The following PDE4D variants were observed in gnomAD, a reference collection of about 807,000 sequenced individuals.
PDE4D encodes the protein 3',5'-cyclic-AMP phosphodiesterase 4D.
In PDE4D, 24 loss-of-function variants were observed where a neutral mutation model predicts 87.4. That is an observed-to-expected ratio of 0.27 (90% CI 0.20 to 0.39). The LOEUF (loss-of-function observed/expected upper bound fraction) is 0.39, where lower values mean the gene tolerates loss of function less well. Among genes scored for constraint, PDE4D ranks in the 10% least tolerant of loss-of-function variants. PDE4D has a pLI of 1.00. For synonymous variants in PDE4D, 384 were observed against 383.2 expected (o/e 1.00, Z -0.02); for missense variants, 714 against 1,041.0 (o/e 0.69, Z 4.32).
chr5:59,192,800 C>A (rs1195543547), intron 3 of PDE4D, among the ~76,000 whole-genome samples: 3 of 152,306 alleles, frequency 2.0e-5, no homozygotes, highest in African/African-American at 7.2e-5. Context: ...AGGCCTTTAA[C>A]AAATACAGAT....
chr5:59,965,184 C>A (rs757476028), intron 3 of PDE4D, among the ~76,000 whole-genome samples: 10 of 152,250 alleles, frequency 6.6e-5, no homozygotes, highest in Middle Eastern at 3.4e-3. Flanking sequence ...ATTATCCCAG[C>A]AATTTCCTGC....
At chr5:59,362,731 G>T (rs1038772890) in intron 1 of PDE4D, among the ~76,000 whole-genome samples, 2 of 152,080 alleles carry the variant, frequency 1.3e-5, no homozygotes, top group African/African-American at 4.8e-5. Flanking sequence ...GGACAGAAAT[G>T]GCTTCTTACA....
chr5:59,854,339 TC>T (rs896559807), intron 1 of PDE4D, among the ~76,000 whole-genome samples: 35 of 152,092 alleles, frequency 2.3e-4, no homozygotes, highest in African/African-American at 7.5e-4. Context: ...ATTACATTTA[TC>T]CTTTTATTGT....
In PDE4D at chr5:59,734,473, A is replaced by G. The variant is rs1580756934; in HGVS notation, c.455+158695T>C. Among the ~76,000 whole-genome samples the G allele has an allele frequency of 1.3e-5, 2 of 152,294 alleles. 1 individual carries two copies. Among genetic ancestry groups the G allele is most frequent in the South Asian group, 4.1e-4 (2 of 4,826 alleles). ...TGCTGCATTGCTGAGACAAGCCTAT[A>G]AAGAAAAGGAAGACGGTTTGATTTT... On this transcript the variant is annotated intron_variant, in intron 1 of 14. Transcript: ENST00000340635.
chr5:59,545,137 G>T (rs702542), intron 1 of PDE4D, among the ~76,000 whole-genome samples: 69,224 of 151,980 alleles, frequency 0.46, 19,032 homozygotes, highest in East Asian at 0.63. Context: ...TTATTTTGTG[G>T]GGTAACTTTT....
chr5:59,145,934 C>T (rs1778576360), intron 5 of PDE4D, among the ~76,000 whole-genome samples: 1 of 152,138 alleles, frequency 6.6e-6, no homozygotes, highest in Non-Finnish European at 1.5e-5. Flanking sequence ...TGAAACCAGC[C>T]TGGCCAACAT....
rs114593014 is a variant in PDE4D, at chr5:60,090,586, A to G, written c.42+94971T>C. Among the ~76,000 whole-genome samples, 1,075 of 152,310 alleles carry G rather than the reference A, an allele frequency of 7.1e-3. 21 individuals are homozygous for G. The highest frequency in any genetic ancestry group is 0.045 in the East Asian group (235 of 5,188). Reference sequence around the variant, plus strand: ...CAGCTAGCATCATTCTGAATGGGGAAAAATGGAAATTCTTTCTTCCAAGAT... The same window carrying G: ...CAGCTAGCATCATTCTGAATGGGGAGAAATGGAAATTCTTTCTTCCAAGAT... On this transcript the variant is annotated intron_variant, in intron 2 of 16. Transcript: ENST00000502484.
chr5:59,202,033 A>AATT (rs747290118), intron 2 of PDE4D, among the ~76,000 whole-genome samples: 1 of 95,258 alleles, frequency 1.0e-5, no homozygotes, highest in Non-Finnish European at 1.9e-5. Flanking sequence ...TGTTTTGATC[A>AATT]TTTTTTTTTT....
At chr5:60,105,515 C>G (rs1776789967) in intron 2 of PDE4D, among the ~76,000 whole-genome samples, 1 of 152,026 alleles carries the variant, frequency 6.6e-6, no homozygotes, top group South Asian at 2.1e-4. Flanking sequence ...CAGAGAACGC[C>G]ACAAAGATAC....
intron 1 of PDE4D, among the ~76,000 whole-genome samples, chr5:60,282,198 G>A (rs1405792997): frequency 9.1e-6 from 1 of 109,832 alleles, no homozygotes; most frequent in Non-Finnish European, 1.8e-5. Flanking sequence ...AAGAACAAGA[G>A]AGAAATAAAC....
At chr5:60,203,207 G>A (rs1041380697) in intron 1 of PDE4D, among the ~76,000 whole-genome samples, 2 of 152,136 alleles carry the variant, frequency 1.3e-5, no homozygotes, top group Non-Finnish European at 2.9e-5. Flanking sequence ...CTGATCTCAG[G>A]TGATCTACCC....
intron 10 of PDE4D, 122 bp downstream of exon 10, chr5:58,989,623 CCCCCATAAGT>C: frequency 1.8e-6 from 1 of 570,066 alleles, no homozygotes; most frequent in South Asian, 2.7e-5. Context: ...ATAGCATTTT[CCCCCATAAGT>C]CAATAAGTTA....
chr5:60,230,700 G>A (rs541710539), intron 1 of PDE4D, among the ~76,000 whole-genome samples: 1 of 152,210 alleles, frequency 6.6e-6, no homozygotes, highest in East Asian at 1.9e-4. Context: ...GTCAATGATA[G>A]AGGAAAAGTG....
intron 1 of PDE4D, among the ~76,000 whole-genome samples, chr5:60,430,535 G>GT (rs367558098): frequency 0.12 from 15,812 of 127,968 alleles, 1,788 homozygotes; most frequent in African/African-American, 0.31. Flanking sequence ...TTTGTGTTTT[G>GT]TTTTTTTTTG....
intron 1 of PDE4D, among the ~76,000 whole-genome samples, chr5:60,280,738 A>G (rs939161179): frequency 6.6e-6 from 1 of 152,218 alleles, no homozygotes; most frequent in Non-Finnish European, 1.5e-5. Flanking sequence ...AGTAAATAGC[A>G]TCATTGTGAG....
chr5:59,762,309 C>T (rs1053881895), intron 1 of PDE4D, among the ~76,000 whole-genome samples: 7 of 142,372 alleles, frequency 4.9e-5, no homozygotes, highest in African/African-American at 1.6e-4. Context: ...TACACATATG[C>T]GTATATGGGT....
upstream of PDE4D, among the ~76,000 whole-genome samples, chr5:60,492,480 GT>G (rs1561312931): frequency 6.6e-6 from 1 of 152,028 alleles, no homozygotes; most frequent in Admixed American, 6.6e-5. Context: ...AAATAAAATT[GT>G]TTTTATTAGG....
Position 59,239,427 on chromosome 5 carries a change from T to G in PDE4D, c.456-23459A>C, listed in dbSNP as rs554463406. ...AAGCCTGCCCAGACAGTTTTTAGGT[T>G]GGTAGTTCACTGTCCAGGGGACCCA... is the stretch of plus-strand genomic sequence containing the variant. On this transcript the variant is annotated intron_variant, in intron 1 of 14. Transcript: ENST00000340635. Among the ~76,000 whole-genome samples the G allele has an allele frequency of 3.3e-5, 5 of 152,276 alleles. No homozygotes were observed. In the East Asian group the frequency reaches 9.7e-4, roughly 29 times the overall value.
chr5:59,643,681 T>TTAGCA, intron 1 of PDE4D, among the ~76,000 whole-genome samples: 1 of 152,324 alleles, frequency 6.6e-6, no homozygotes, highest in Non-Finnish European at 1.5e-5. Context: ...CACGGTACAA[T>TTAGCA]TAGCATCGAT....
Sources: allele counts gnomAD v4.1 joint callset (sites outside exome capture counted in the v4.1 genomes callset), GRCh38; gene constraint gnomAD v4.1.1; transcripts MANE v1.5; gene names NCBI Gene and HGNC (gene_info 2026-07-23, HGNC 2026-07-21).